SCAF8: variants seen among roughly 807,000 people sequenced by gnomAD.
SCAF8 encodes SR-related CTD associated factor 8.
In SCAF8, 23 loss-of-function variants were observed where a neutral mutation model predicts 140.5. The ratio of observed to expected loss-of-function variants is 0.16; its 90% confidence interval spans 0.12 to 0.23. The LOEUF (loss-of-function observed/expected upper bound fraction) is 0.23, where lower values mean the gene tolerates loss of function less well. Among genes scored for constraint, SCAF8 ranks in the 10% least tolerant of loss-of-function variants. SCAF8 has a pLI of 1.00. For missense variants in SCAF8, 1,397 were observed against 1,555.7 expected (o/e 0.90, Z 1.72); for synonymous variants, 575 against 528.9 (o/e 1.09, Z -1.20).
intron 1 of SCAF8, among the ~76,000 whole-genome samples, chr6:154,758,996 T>C (rs1471899505): frequency 6.6e-6 from 1 of 152,168 alleles, no homozygotes; most frequent in Non-Finnish European, 1.5e-5. Flanking sequence ...TAGGAGATCA[T>C]AGATGATACT....
chr6:154,736,180 T>C (rs9384238), intron 1 of SCAF8, among the ~76,000 whole-genome samples: 87,172 of 150,152 alleles, frequency 0.58, 27,197 homozygotes, highest in East Asian at 0.91. Context: ...GCCGCCACCC[T>C]CTTCCCCACA....
intron 1 of SCAF8, among the ~76,000 whole-genome samples, chr6:154,747,991 G>A (rs1470428692): frequency 1.3e-5 from 2 of 150,928 alleles, no homozygotes; most frequent in South Asian, 4.2e-4. Flanking sequence ...TTTATTGAAA[G>A]TTGTTTACAT....
At chr6:154,739,831 T>C (rs188460815) in intron 1 of SCAF8, among the ~76,000 whole-genome samples, 95 of 152,328 alleles carry the variant, frequency 6.2e-4, no homozygotes, top group African/African-American at 1.7e-3. Flanking sequence ...GGACTTTTTA[T>C]AATCTCACCA....
At chr6:154,746,084 C>T (rs533038691) in intron 1 of SCAF8, among the ~76,000 whole-genome samples, 1 of 152,242 alleles carries the variant, frequency 6.6e-6, no homozygotes, top group East Asian at 1.9e-4. Context: ...CGAGGTTTTG[C>T]CATGTTGGCC....
intron 13 of SCAF8, among the ~76,000 whole-genome samples, 173 bp downstream of exon 13, chr6:154,815,989 CTTAA>C (rs934794863): frequency 6.6e-5 from 10 of 152,212 alleles, no homozygotes; most frequent in South Asian, 2.1e-4. Flanking sequence ...TGTTTCTCTC[CTTAA>C]TTATTTTTAT....
At chr6:154,825,611 G>A (rs1037519832) in intron 17 of SCAF8, among the ~76,000 whole-genome samples, 2 of 126,722 alleles carry the variant, frequency 1.6e-5, no homozygotes, top group Non-Finnish European at 3.1e-5. Context: ...AACTGTGTTC[G>A]CACCACTACA....
At chr6:154,740,682 C>T (rs1294953225) in intron 1 of SCAF8, among the ~76,000 whole-genome samples, 1 of 145,594 alleles carries the variant, frequency 6.9e-6, no homozygotes, top group Non-Finnish European at 1.5e-5. Context: ...GGCAGTGGTG[C>T]CATCAAGGGC....
intron 2 of SCAF8, 87 bp downstream of exon 2, chr6:154,774,159 T>C (rs997078519): frequency 2.2e-6 from 2 of 922,846 alleles, no homozygotes; most frequent in African/African-American, 1.7e-5. Flanking sequence ...ATGGATTATA[T>C]GTTCTTTTTC....
intron 16 of SCAF8, among the ~76,000 whole-genome samples, chr6:154,823,742 A>C (rs1282389335): frequency 6.6e-6 from 1 of 152,184 alleles, no homozygotes; most frequent in Non-Finnish European, 1.5e-5. Context: ...TTGAATAGAC[A>C]CTTGATGTAA....
intron 1 of SCAF8, among the ~76,000 whole-genome samples, chr6:154,770,382 A>ACTCTCTCTCTCTCT (rs1368679006): frequency 1.4e-5 from 2 of 138,328 alleles, no homozygotes; most frequent in Non-Finnish European, 3.0e-5. Flanking sequence ...ACACACACAC[A>ACTCTCTCTCTCTCT]CACACACTCT....
intron 2 of SCAF8, among the ~76,000 whole-genome samples, chr6:154,777,465 A>G (rs1167342183): frequency 6.6e-6 from 1 of 152,112 alleles, no homozygotes; most frequent in Non-Finnish European, 1.5e-5. Flanking sequence ...AGGATATTAT[A>G]CATTTCTATG....
At chr6:154,811,395 GTTTTT>G (rs578123121) in intron 12 of SCAF8, among the ~76,000 whole-genome samples, 2 of 143,314 alleles carry the variant, frequency 1.4e-5, no homozygotes, top group African/African-American at 2.5e-5. Flanking sequence ...TGTTTACACA[GTTTTT>G]TTTTTTTTAA....
At chr6:154,812,577 A>C (rs537847387) in intron 12 of SCAF8, among the ~76,000 whole-genome samples, 3 of 152,272 alleles carry the variant, frequency 2.0e-5, no homozygotes, top group Non-Finnish European at 4.4e-5. Context: ...AAGCAGTATC[A>C]ATTTCCTGTG....
chr6:154,815,439 T>G (rs1778220314), intron 12 of SCAF8, among the ~76,000 whole-genome samples: 2 of 152,206 alleles, frequency 1.3e-5, no homozygotes, highest in Admixed American at 6.5e-5. Flanking sequence ...ACTCATCCTC[T>G]TAGAATGGGA....
intron 1 of SCAF8, among the ~76,000 whole-genome samples, chr6:154,760,406 C>T (rs538246051): frequency 3.9e-5 from 6 of 152,166 alleles, no homozygotes; most frequent in African/African-American, 1.4e-4. Context: ...TCTTGCTAGA[C>T]AGATGTTTGC....
chr6:154,734,340 C>T lies in SCAF8; in HGVS notation c.30+410C>T, dbSNP rs1234830951. 2.0e-5 allele frequency among the ~76,000 whole-genome samples: 3 copies of T among 152,326 alleles called. No homozygotes were observed. The East Asian group carries it at 5.8e-4, about 29-fold the overall frequency. Reference sequence around the variant, plus strand: ...ATGACTCTCCAGACCTTCCCGGGTCCTCACTGAGGCTAACACCGATTGGGG... The same window carrying T: ...ATGACTCTCCAGACCTTCCCGGGTCTTCACTGAGGCTAACACCGATTGGGG... On this transcript the variant is annotated intron_variant, in intron 1 of 19. Transcript: ENST00000367178.
chr6:154,742,143 A>G (rs1170109443), intron 1 of SCAF8: 7 of 617,794 alleles, frequency 1.1e-5, no homozygotes, highest in African/African-American at 1.1e-4. Flanking sequence ...TGTCACTTAG[A>G]ATAGATTGGT....
In SCAF8 at chr6:154,832,305, C is replaced by A; in HGVS notation, c.2726C>A (p.Pro909His). The A allele has an allele frequency of 1.2e-6, 2 of 1,614,010 alleles. No homozygotes were observed. Among genetic ancestry groups the A allele is most frequent in the Non-Finnish European group, 1.7e-6 (2 of 1,180,000 alleles). Reference sequence around the variant, plus strand: ...CCACCAGCTGGACCTCAAAACTTACCCCCTTTAAGTATCCCTAATCAAAGG... The same window carrying A: ...CCACCAGCTGGACCTCAAAACTTACACCCTTTAAGTATCCCTAATCAAAGG... ...TQPPAGPQNL[P>H]PLSIPNQRMP... The change falls in exon 20 of 20, where the codon CCC becomes CAC. Residue 909 changes from proline (P) to histidine (H), a missense_variant. By Grantham distance (77) the Pro-to-His change is moderately conservative (BLOSUM62 -2). This residue lies in a region of SCAF8 where 930 missense variants were observed against 874.6 expected (regional missense o/e 1.06). Transcript: ENST00000367178.
At chr6:154,803,491 TG>T in intron 7 of SCAF8, 52 bp from the exon 8 acceptor site, 1 of 1,212,888 alleles carries the variant, frequency 8.2e-7, no homozygotes, top group Non-Finnish European at 1.2e-6. Context: ...ATTTGTAACT[TG>T]TATTTGTGTG....
Sources: gnomAD v4.1 joint callset for allele counts (sites outside exome capture counted in the v4.1 genomes callset) on GRCh38, gnomAD v4.1.1 for gene constraint, gnomAD v4.1.1 regional missense constraint, MANE v1.5 for transcripts, NCBI Gene and HGNC (gene_info 2026-07-23, HGNC 2026-07-21) for gene names.